EPHB1: variants seen among roughly 807,000 people sequenced by gnomAD.
The protein encoded by EPHB1 is ephrin type-B receptor 1.
A neutral mutation model predicts 94.4 loss-of-function variants in EPHB1; 30 were observed. The observed-to-expected ratio is 0.32, with a 90% confidence interval of 0.24 to 0.43. The LOEUF (loss-of-function observed/expected upper bound fraction) is 0.43, where lower values mean the gene tolerates loss of function less well. Among genes scored for constraint, EPHB1 ranks in the 20% least tolerant of loss-of-function variants. The probability of loss-of-function intolerance (pLI) is 1.00; values close to 1 mark genes in which losing one functional copy is unlikely to be tolerated. For missense variants in EPHB1, 1,055 were observed against 1,308.3 expected (o/e 0.81, Z 2.99); for synonymous variants, 522 against 489.1 (o/e 1.07, Z -0.89).
intron 3 of EPHB1, among the ~76,000 whole-genome samples, chr3:135,092,054 A>G (rs1156948372): frequency 1.3e-5 from 2 of 152,196 alleles, no homozygotes; most frequent in Non-Finnish European, 2.9e-5. Context: ...GTTTTTCTCA[A>G]AAGAAAAACA....
At chr3:134,929,727 C>A (rs1366951460) in intron 2 of EPHB1, among the ~76,000 whole-genome samples, 16 of 152,270 alleles carry the variant, frequency 1.1e-4, no homozygotes, top group Middle Eastern at 3.4e-3. Flanking sequence ...GGCACCTTGA[C>A]TTCAGATTTA....
At chr3:134,854,670 C>A (rs894187525) in intron 1 of EPHB1, among the ~76,000 whole-genome samples, 1 of 152,108 alleles carries the variant, frequency 6.6e-6, no homozygotes. Flanking sequence ...ACCCCGTGAC[C>A]CGTGTAACTG....
chr3:134,907,478 T>C (rs2038356787), intron 1 of EPHB1, among the ~76,000 whole-genome samples: 1 of 152,232 alleles, frequency 6.6e-6, no homozygotes, highest in Non-Finnish European at 1.5e-5. Context: ...GAGATTTGAA[T>C]GCTGTAGAGT....
intron 3 of EPHB1, among the ~76,000 whole-genome samples, chr3:135,041,627 T>C (rs1936846723): frequency 6.6e-6 from 1 of 152,214 alleles, no homozygotes. Context: ...AGCTAAAATA[T>C]AGGATGCCAA....
chr3:135,258,190 G>A (rs559433086), intron 15 of EPHB1, among the ~76,000 whole-genome samples: 64 of 152,222 alleles, frequency 4.2e-4, no homozygotes, highest in Non-Finnish European at 6.9e-4. Context: ...GCTGGGAGCT[G>A]TAGACTGGAG....
chr3:134,821,529 G>A (rs199928669), intron 1 of EPHB1, among the ~76,000 whole-genome samples: 1 of 152,114 alleles, frequency 6.6e-6, no homozygotes, highest in Admixed American at 6.6e-5. Flanking sequence ...GGTGGATGGG[G>A]TGGGGAGACA....
chr3:135,088,412 TTACGATTACATTTGTCTG>T (rs1363192846), intron 3 of EPHB1, among the ~76,000 whole-genome samples: 3 of 152,222 alleles, frequency 2.0e-5, no homozygotes, highest in African/African-American at 7.2e-5. Context: ...AAAAGAAATG[TTACGATTACATTTGTCTG>T]TAAGGAACAT....
chr3:134,874,365 G>T (rs574843198), intron 1 of EPHB1, among the ~76,000 whole-genome samples: 2 of 152,200 alleles, frequency 1.3e-5, no homozygotes, highest in South Asian at 4.2e-4. Flanking sequence ...GGGCCTATTG[G>T]GGGGTGGAGG....
intron 1 of EPHB1, among the ~76,000 whole-genome samples, chr3:134,922,043 G>A (rs1578199403): frequency 6.6e-6 from 1 of 152,198 alleles, no homozygotes; most frequent in South Asian, 2.1e-4. Context: ...CACTGAGTAC[G>A]TGCTCCCAGA....
At chr3:135,258,796 C>T (rs1217324854) in intron 15 of EPHB1, among the ~76,000 whole-genome samples, 13 of 152,192 alleles carry the variant, frequency 8.5e-5, no homozygotes, top group Admixed American at 8.5e-4. Context: ...ACAGCACTCC[C>T]AGGATTGCCT....
At chr3:134,862,866 G>T (rs1003506577) in intron 1 of EPHB1, among the ~76,000 whole-genome samples, 1 of 152,242 alleles carries the variant, frequency 6.6e-6, no homozygotes, top group African/African-American at 2.4e-5. Context: ...GTGTAAGAAA[G>T]ACTGTACGTC....
chr3:134,801,371 T>A (rs548387532), intron 1 of EPHB1, among the ~76,000 whole-genome samples: 1 of 152,276 alleles, frequency 6.6e-6, no homozygotes, highest in South Asian at 2.1e-4. Context: ...AGCAGAGAAG[T>A]GTCCCCAAAG....
intron 1 of EPHB1, among the ~76,000 whole-genome samples, chr3:134,916,575 G>A (rs2107697418): frequency 6.6e-6 from 1 of 152,356 alleles, no homozygotes; most frequent in South Asian, 2.1e-4. Flanking sequence ...TGGGGGACCT[G>A]GCACACCCTC....
chr3:135,137,493 C>T (rs1559846952), intron 5 of EPHB1, among the ~76,000 whole-genome samples: 1 of 152,164 alleles, frequency 6.6e-6, no homozygotes, highest in South Asian at 2.1e-4. Flanking sequence ...GCCAAGCATG[C>T]TCTGTTTTCC....
intron 1 of EPHB1, among the ~76,000 whole-genome samples, chr3:134,883,635 G>C (rs993536920): frequency 9.2e-5 from 14 of 152,146 alleles, no homozygotes; most frequent in African/African-American, 3.1e-4. Context: ...TTAACAAGTG[G>C]CCCTCAAGGT....
intron 3 of EPHB1, among the ~76,000 whole-genome samples, chr3:135,032,256 A>T (rs1461955549): frequency 7.5e-5 from 11 of 146,362 alleles, no homozygotes; most frequent in East Asian, 2.1e-4. Context: ...TTTTTTTTTT[A>T]AATCTCTTTT....
intron 6 of EPHB1, among the ~76,000 whole-genome samples, chr3:135,158,690 G>C (rs1941425730): frequency 6.6e-6 from 1 of 152,168 alleles, no homozygotes; most frequent in Admixed American, 6.5e-5. Context: ...CCTTTCCCAT[G>C]TTCATCTCCT....
At chr3:135,060,253 A>C (rs903440801) in intron 3 of EPHB1, among the ~76,000 whole-genome samples, 1 of 152,202 alleles carries the variant, frequency 6.6e-6, no homozygotes, top group African/African-American at 2.4e-5. Context: ...TACTCTGGAC[A>C]TTTTATATAA....
chr3:134,838,648 A>G (rs1478280229), intron 1 of EPHB1, among the ~76,000 whole-genome samples: 13 of 152,128 alleles, frequency 8.5e-5, no homozygotes. Context: ...AAAATCCTTC[A>G]CTTAATAGAA....
Sources: allele counts gnomAD v4.1 joint callset (sites outside exome capture counted in the v4.1 genomes callset), GRCh38; gene constraint gnomAD v4.1.1; transcripts MANE v1.5; gene names NCBI Gene and HGNC (gene_info 2026-07-23, HGNC 2026-07-21).